CNTNAP2: variants seen among roughly 807,000 people sequenced by gnomAD.
CNTNAP2 encodes contactin associated protein 2.
In CNTNAP2, 98 loss-of-function variants were observed where a neutral mutation model predicts 155.2. The ratio of observed to expected loss-of-function variants is 0.63; its 90% CI spans 0.54 to 0.75. The LOEUF is 0.75. CNTNAP2 is among the 30% of genes least tolerant of loss of function. The pLI, the probability that CNTNAP2 is intolerant of heterozygous loss-of-function variation, is 0.00. For synonymous variants in CNTNAP2, 651 were observed against 631.2 expected (o/e 1.03, Z -0.47); for missense variants, 1,727 against 1,688.1 (o/e 1.02, Z -0.40).
rs76562332 is a variant in CNTNAP2, at chr7:148,057,672, C to T, written c.2384-60446C>T. Among the ~76,000 whole-genome samples, 308 of 152,214 alleles carry T rather than the reference C, an allele frequency of 2.0e-3. 3 individuals carry two copies. The highest frequency in any genetic ancestry group is 3.4e-3 in the Middle Eastern group (1 of 292). ...CTGTGGGCATCACTGTACCTCCTACCCTCAGTTAAAACTTACTGAAGGAAC... is the reference window on the plus strand; with the variant it reads ...CTGTGGGCATCACTGTACCTCCTACTCTCAGTTAAAACTTACTGAAGGAAC... On this transcript the variant is annotated intron_variant, in intron 15 of 23. Transcript: ENST00000361727.
At chr7:147,366,224 G>A (rs1168681994) in intron 9 of CNTNAP2, among the ~76,000 whole-genome samples, 2 of 152,026 alleles carry the variant, frequency 1.3e-5, no homozygotes, top group Admixed American at 1.3e-4. Context: ...AAGTTCATAG[G>A]ATTCTCATTA....
At chr7:146,462,965 A>G (rs991000211) in intron 1 of CNTNAP2, among the ~76,000 whole-genome samples, 1 of 152,152 alleles carries the variant, frequency 6.6e-6, no homozygotes, top group African/African-American at 2.4e-5. Context: ...AGATTGATGG[A>G]GGAGGAAACA....
intron 1 of CNTNAP2, among the ~76,000 whole-genome samples, chr7:146,283,847 A>G (rs1162059844): frequency 1.3e-5 from 2 of 152,100 alleles, no homozygotes; most frequent in Non-Finnish European, 2.9e-5. Flanking sequence ...CACCTATTGT[A>G]TTTGTCTTCT....
chr7:148,401,512 A>T (rs1446128855), intron 22 of CNTNAP2, among the ~76,000 whole-genome samples: 1 of 152,224 alleles, frequency 6.6e-6, no homozygotes, highest in Non-Finnish European at 1.5e-5. Context: ...TTTATCTCAC[A>T]TGAAAATGGA....
intron 21 of CNTNAP2, among the ~76,000 whole-genome samples, chr7:148,372,692 G>C (rs1162651364): frequency 6.6e-6 from 1 of 152,084 alleles, no homozygotes; most frequent in Non-Finnish European, 1.5e-5. Flanking sequence ...ATCCTGGTCA[G>C]CAGAGGAAGA....
At chr7:146,801,193 A>T (rs1167448082) in intron 2 of CNTNAP2, among the ~76,000 whole-genome samples, 1 of 152,118 alleles carries the variant, frequency 6.6e-6, no homozygotes, top group Non-Finnish European at 1.5e-5. Flanking sequence ...AAAAGGAGGA[A>T]GTTTCAGGCT....
intron 4 of CNTNAP2, among the ~76,000 whole-genome samples, chr7:147,065,785 G>C (rs965896799): frequency 3.9e-5 from 6 of 151,952 alleles, no homozygotes; most frequent in African/African-American, 1.2e-4. Context: ...AAAGCTAATA[G>C]GCATTTTTAA....
At chr7:147,377,921 A>G in intron 9 of CNTNAP2, 1 of 438,906 alleles carries the variant, frequency 2.3e-6, no homozygotes. Context: ...ATTGGGATGT[A>G]TTGTCCTTTC....
chr7:146,588,496 G>C (rs371554580), intron 1 of CNTNAP2, among the ~76,000 whole-genome samples: 3 of 146,308 alleles, frequency 2.1e-5, no homozygotes, highest in African/African-American at 2.6e-5. Flanking sequence ...CCACAGGTGT[G>C]AAATTACAGC....
intron 3 of CNTNAP2, among the ~76,000 whole-genome samples, chr7:146,862,432 T>TA (rs144200730): frequency 3.3e-4 from 50 of 151,904 alleles, no homozygotes; most frequent in African/African-American, 9.7e-4. Context: ...ACTTCCTTGT[T>TA]AAAAAAAGAA....
intron 11 of CNTNAP2, chr7:147,496,782 G>GTATTTTT (rs1284692180): frequency 6.9e-6 from 1 of 145,310 alleles, no homozygotes; most frequent in East Asian, 2.1e-4. Context: ...ATTGGTTCCC[G>GTATTTTT]TATTTTTTAT....
intron 15 of CNTNAP2, among the ~76,000 whole-genome samples, chr7:148,096,928 G>A (rs929713358): frequency 6.6e-6 from 1 of 152,122 alleles, no homozygotes; most frequent in Non-Finnish European, 1.5e-5. Context: ...TGAGGAGAAG[G>A]GTTGGAAGGG....
At chr7:146,351,191 TAA>T (rs921257976) in intron 1 of CNTNAP2, among the ~76,000 whole-genome samples, 42 of 151,300 alleles carry the variant, frequency 2.8e-4, no homozygotes, top group African/African-American at 9.5e-4. Flanking sequence ...ATAATAAAAT[TAA>T]AAAAAATTTT....
At chr7:147,481,931 A>G (rs1188918369) in intron 10 of CNTNAP2, among the ~76,000 whole-genome samples, 3 of 152,196 alleles carry the variant, frequency 2.0e-5, no homozygotes, top group Admixed American at 2.0e-4. Flanking sequence ...AAGAGTCTGG[A>G]TTTGAGAATA....
chr7:147,598,039 C>T (rs1021761005), intron 12 of CNTNAP2, among the ~76,000 whole-genome samples: 3 of 152,128 alleles, frequency 2.0e-5, no homozygotes, highest in African/African-American at 7.2e-5. Context: ...GTTCTAAGAT[C>T]ATTAATGGTT....
chr7:147,876,927 T>C (rs1235302680), intron 13 of CNTNAP2, among the ~76,000 whole-genome samples: 1 of 151,898 alleles, frequency 6.6e-6, no homozygotes, highest in South Asian at 2.1e-4. Flanking sequence ...TATTATAGGA[T>C]TGGGGCTGGT....
intron 14 of CNTNAP2, among the ~76,000 whole-genome samples, 198 bp from the exon 15 acceptor site, chr7:147,977,664 A>G (rs1352412191): frequency 6.6e-6 from 1 of 152,202 alleles, no homozygotes; most frequent in Admixed American, 6.5e-5. Context: ...GAAGATGAAG[A>G]TGCCAGAAGG....
chr7:146,538,169 A>T (rs1797898302), intron 1 of CNTNAP2, among the ~76,000 whole-genome samples: 1 of 152,098 alleles, frequency 6.6e-6, no homozygotes, highest in African/African-American at 2.4e-5. Context: ...GGAAATATTT[A>T]CAAGGTTTGG....
intron 1 of CNTNAP2, among the ~76,000 whole-genome samples, chr7:146,637,514 A>C (rs951579593): frequency 1.3e-5 from 2 of 152,188 alleles, no homozygotes; most frequent in African/African-American, 4.8e-5. Context: ...TTCAATAGTT[A>C]TGTGCTTTTC....
Sources: allele counts gnomAD v4.1 joint callset (sites outside exome capture counted in the v4.1 genomes callset), GRCh38; gene constraint gnomAD v4.1.1; transcripts MANE v1.5; gene names NCBI Gene and HGNC (gene_info 2026-07-23, HGNC 2026-07-21).